PRKN: variants seen among roughly 807,000 people sequenced by gnomAD.
PRKN encodes the protein E3 ubiquitin-protein ligase parkin.
Under a neutral mutation model 59.5 loss-of-function variants are expected in PRKN, and 56 were observed. The ratio of observed to expected loss-of-function variants is 0.94; its 90% CI spans 0.76 to 1.18. The LOEUF (loss-of-function observed/expected upper bound fraction) is 1.18, where lower values mean the gene tolerates loss of function less well. PRKN is among the 50% of genes most tolerant of loss of function. PRKN has a pLI of 0.00. For missense variants in PRKN, 657 were observed against 596.4 expected (o/e 1.10, Z -1.06); for synonymous variants, 250 against 222.1 (o/e 1.13, Z -1.12).
In PRKN at chr6:162,596,296, T is replaced by C. The variant is rs910595202; in HGVS notation, c.7+131366A>G. 3.9e-5 allele frequency among the ~76,000 whole-genome samples: 6 copies of C among 152,234 alleles called. No homozygotes were observed. The East Asian group carries it at 1.2e-3, about 29-fold the overall frequency. On this transcript the variant is annotated intron_variant, in intron 1 of 11. Transcript: ENST00000366898. ...CCACAAGTGACAACTCAGCAACTTG[T>C]AAATGTTTCACAATTATGCTTCAAT...
intron 1 of PRKN, among the ~76,000 whole-genome samples, chr6:162,444,046 G>C (rs140712870): frequency 0.014 from 2,184 of 152,122 alleles, 24 homozygotes; most frequent in Admixed American, 0.022. Flanking sequence ...TGGCAGGGAG[G>C]GGGTGGAGAC....
In PRKN at chr6:161,428,644, A is replaced by G. The variant is rs891911733; in HGVS notation, c.1084-41767T>C. On this transcript the variant is annotated intron_variant, in intron 9 of 11. Transcript: ENST00000366898. This position sits in a 1 kb window ranked among gnomAD's most constrained non-coding sequence, Gnocchi z 4.0. ...ACATCTGAAGGGCGATTCTTTGTCA[A>G]CTGCTACTGTCTTGCTAAAGAATCA... Among the ~76,000 whole-genome samples, 5 of 152,208 alleles carry G rather than the reference A, an allele frequency of 3.3e-5. No homozygotes were observed. Among genetic ancestry groups the G allele is most frequent in the Non-Finnish European group, 7.3e-5 (5 of 68,040 alleles).
At chr6:162,318,676 G>A (rs1438068332) in intron 2 of PRKN, among the ~76,000 whole-genome samples, 1 of 152,002 alleles carries the variant, frequency 6.6e-6, no homozygotes, top group Non-Finnish European at 1.5e-5. Flanking sequence ...GTTTTGACCA[G>A]CATTTCCCTA....
At chr6:162,427,654 C>T (rs6902967) in intron 2 of PRKN, among the ~76,000 whole-genome samples, 33,002 of 141,640 alleles carry the variant, frequency 0.23, 3,794 homozygotes, top group Non-Finnish European at 0.23. Context: ...GTTTTTTTTT[C>T]TTTTTTTTTT....
intron 7 of PRKN, among the ~76,000 whole-genome samples, chr6:161,619,085 C>T (rs983775955): frequency 3.3e-5 from 5 of 151,998 alleles, no homozygotes; most frequent in African/African-American, 1.2e-4. Flanking sequence ...GTTCTGAATC[C>T]GCCGGGTCTG....
intron 6 of PRKN, among the ~76,000 whole-genome samples, chr6:161,906,190 T>C (rs1778138342): frequency 6.6e-6 from 1 of 152,178 alleles, no homozygotes; most frequent in Non-Finnish European, 1.5e-5. Flanking sequence ...TTGAGTTTCC[T>C]TGTCCTTTAC....
At chr6:162,127,632 C>T (rs1781175136) in intron 4 of PRKN, among the ~76,000 whole-genome samples, 2 of 152,116 alleles carry the variant, frequency 1.3e-5, no homozygotes, top group African/African-American at 2.4e-5. Flanking sequence ...AAATGTGCAT[C>T]GTTGAGTCAT....
chr6:162,333,647 C>G (rs1423723263), intron 2 of PRKN, among the ~76,000 whole-genome samples: 2 of 152,142 alleles, frequency 1.3e-5, no homozygotes, highest in Non-Finnish European at 2.9e-5. Context: ...TCTTTCTCCT[C>G]AGGTGTGCCT....
chr6:161,701,086 C>T (rs369070484), intron 7 of PRKN, among the ~76,000 whole-genome samples: 61 of 152,208 alleles, frequency 4.0e-4, no homozygotes, highest in African/African-American at 1.4e-3. Flanking sequence ...TAAATATACA[C>T]GTTGATCACT....
At chr6:162,373,897 A>G (rs1284709632) in intron 2 of PRKN, among the ~76,000 whole-genome samples, 1 of 152,196 alleles carries the variant, frequency 6.6e-6, no homozygotes, top group Non-Finnish European at 1.5e-5. Flanking sequence ...ACTTATGGAA[A>G]AAAAAGGAAA....
intron 6 of PRKN, among the ~76,000 whole-genome samples, chr6:161,946,688 C>T (rs1779795473): frequency 6.6e-6 from 1 of 152,054 alleles, no homozygotes; most frequent in African/African-American, 2.4e-5. Context: ...GGAAAATCTA[C>T]TCCTGGAAAT....
intron 7 of PRKN, among the ~76,000 whole-genome samples, chr6:161,672,555 C>G (rs1438193019): frequency 3.9e-5 from 6 of 152,186 alleles, no homozygotes. Context: ...GCCAGTGGAT[C>G]ACCTGAGGTC....
intron 1 of PRKN, among the ~76,000 whole-genome samples, chr6:162,454,137 T>C (rs930321311): frequency 6.6e-6 from 1 of 152,202 alleles, no homozygotes; most frequent in African/African-American, 2.4e-5. Context: ...TTTAGAAGAG[T>C]GCCTAGGCAC....
chr6:162,243,168 G>C (rs1259749932), intron 3 of PRKN, among the ~76,000 whole-genome samples: 4 of 151,864 alleles, frequency 2.6e-5, no homozygotes, highest in African/African-American at 9.7e-5. Flanking sequence ...TCTTGAGATG[G>C]GCTCAATTTA....
At position 161,757,886 on chromosome 6, in the gene PRKN, TACACACACACAC is replaced by T. The variant is rs373332894; in HGVS notation, c.871+27874_871+27885del. On this transcript the variant is annotated intron_variant, in intron 7 of 11. Transcript: ENST00000366898. ...CTCTCTCTCTCTGTGTATATATATA[TACACACACACAC>T]ACACACACACACACACACACACATC... 1.2e-4 allele frequency among the ~76,000 whole-genome samples: 14 copies of T among 116,234 alleles called. No individual in the cohort carries two copies. The East Asian group carries it at 1.2e-3, about 10-fold the overall frequency. The allele number at this position is 116,234 out of a possible 152,430, so 76.3% of individuals were successfully genotyped here.
At chr6:161,425,371 A>G (rs1468143630) in intron 9 of PRKN, among the ~76,000 whole-genome samples, 1 of 152,188 alleles carries the variant, frequency 6.6e-6, no homozygotes, top group Non-Finnish European at 1.5e-5. Flanking sequence ...TTATCGCTGC[A>G]CCCATTGCAA....
intron 9 of PRKN, among the ~76,000 whole-genome samples, chr6:161,472,670 G>C (rs775774860): frequency 6.6e-6 from 1 of 152,120 alleles, no homozygotes; most frequent in East Asian, 1.9e-4. Flanking sequence ...AAACTAAAAA[G>C]CTTCTGCACA....
intron 1 of PRKN, among the ~76,000 whole-genome samples, chr6:162,462,079 C>G (rs1030146122): frequency 2.0e-5 from 3 of 152,140 alleles, no homozygotes; most frequent in African/African-American, 7.2e-5. Context: ...GAGCAGAGAG[C>G]AGGCAGAGTC....
intron 7 of PRKN, among the ~76,000 whole-genome samples, chr6:161,752,645 A>T (rs1434135027): frequency 6.6e-6 from 1 of 152,200 alleles, no homozygotes; most frequent in Non-Finnish European, 1.5e-5. Context: ...GTGAGCTATG[A>T]TCATGCCACT....
Sources: allele counts gnomAD v4.1 joint callset (sites outside exome capture counted in the v4.1 genomes callset), GRCh38; gene constraint gnomAD v4.1.1; non-coding constraint Gnocchi (gnomAD v3.1); transcripts MANE v1.5; gene names NCBI Gene and HGNC (gene_info 2026-07-23, HGNC 2026-07-21).